DLG2: variants seen among roughly 807,000 people sequenced by gnomAD.
DLG2 encodes the protein disks large homolog 2.
DLG2 carries 45 observed loss-of-function variants against 132.5 expected under a neutral mutation model. The observed-to-expected ratio is 0.34, with a 90% CI of 0.27 to 0.44. The LOEUF (loss-of-function observed/expected upper bound fraction) is 0.44, where lower values mean the gene tolerates loss of function less well. DLG2 is among the 20% of genes least tolerant of loss of function. DLG2 has a pLI of 1.00. For missense variants in DLG2, 1,045 were observed against 1,196.9 expected (o/e 0.87, Z 1.87); for synonymous variants, 424 against 419.6 (o/e 1.01, Z -0.13).
intron 7 of DLG2, among the ~76,000 whole-genome samples, chr11:84,425,864 C>T (rs2098964726): frequency 6.6e-6 from 1 of 152,026 alleles, no homozygotes; most frequent in Non-Finnish European, 1.5e-5. Flanking sequence ...AAAGTGACTC[C>T]ATTCAATTCA....
chr11:85,156,241 A>G (rs1324073946), intron 4 of DLG2, among the ~76,000 whole-genome samples: 3 of 152,172 alleles, frequency 2.0e-5, no homozygotes, highest in East Asian at 3.8e-4. Flanking sequence ...ACATAAATGT[A>G]TATGTATATA....
intron 18 of DLG2, among the ~76,000 whole-genome samples, chr11:83,764,543 G>C (rs1026847947): frequency 6.6e-6 from 1 of 152,160 alleles, no homozygotes; most frequent in Admixed American, 6.5e-5. Flanking sequence ...CTTTCTGCCT[G>C]TCAACACTTG....
intron 7 of DLG2, among the ~76,000 whole-genome samples, chr11:84,313,421 T>TA (rs1363906993): frequency 6.6e-6 from 1 of 151,776 alleles, no homozygotes; most frequent in East Asian, 1.9e-4. Flanking sequence ...GCCTGTTTAC[T>TA]ATAATATTAT....
intron 9 of DLG2, among the ~76,000 whole-genome samples, chr11:84,141,019 G>A (rs1258823344): frequency 6.6e-6 from 1 of 152,012 alleles, no homozygotes; most frequent in Non-Finnish European, 1.5e-5. Context: ...CAAAACTTAT[G>A]TAACATGCTT....
At chr11:84,219,745 C>T (rs547677191) in intron 8 of DLG2, among the ~76,000 whole-genome samples, 2 of 152,320 alleles carry the variant, frequency 1.3e-5, no homozygotes, top group East Asian at 3.9e-4. Flanking sequence ...GCACAGAATA[C>T]TCAGACTTAT....
Position 83,668,730 on chromosome 11 carries a change from T to C in DLG2, c.1826-35405A>G, listed in dbSNP as rs28584061. On this transcript the variant is annotated intron_variant, in intron 18 of 27. Transcript: ENST00000376104. ...ACATATATATGTGTATATAAACACA[T>C]ATATATGTGTATATAAACACACATA... Among the ~76,000 whole-genome samples, 564 of 72,466 alleles carry C rather than the reference T, an allele frequency of 7.8e-3. 5 individuals are homozygous for C. The highest frequency in any genetic ancestry group is 0.032 in the African/African-American group (509 of 15,920). The allele number at this position is 72,466 out of a possible 152,430, so 47.5% of individuals were successfully genotyped here.
intron 7 of DLG2, among the ~76,000 whole-genome samples, chr11:84,330,907 C>T (rs1475107547): frequency 6.6e-6 from 1 of 152,110 alleles, no homozygotes; most frequent in Non-Finnish European, 1.5e-5. Context: ...ATTTAGTGAA[C>T]CTAGAACATA....
intron 7 of DLG2, among the ~76,000 whole-genome samples, chr11:84,380,348 C>A (rs2098744974): frequency 6.6e-6 from 1 of 151,934 alleles, no homozygotes; most frequent in Non-Finnish European, 1.5e-5. Flanking sequence ...CAAAAATTTA[C>A]CCTATACTAG....
At chr11:83,776,864 C>T (rs2153802347) in intron 18 of DLG2, among the ~76,000 whole-genome samples, 1 of 152,342 alleles carries the variant, frequency 6.6e-6, no homozygotes, top group Non-Finnish European at 1.5e-5. Context: ...TCCTCTAGGT[C>T]AGAGCTTTTG....
chr11:83,558,848 CGTGTGTGTGTGTGTGT>C (rs3039336), intron 19 of DLG2, among the ~76,000 whole-genome samples: 1,881 of 142,324 alleles, frequency 0.013, 44 homozygotes, highest in African/African-American at 0.046. Flanking sequence ...TGCTAGATGT[CGTGTGTGTGTGTGTGT>C]GTGTGTGTGT....
chr11:84,136,990 A>T (rs1401299545), intron 9 of DLG2, among the ~76,000 whole-genome samples: 1 of 152,156 alleles, frequency 6.6e-6, no homozygotes, highest in African/African-American at 2.4e-5. Flanking sequence ...GCACAGCAGA[A>T]AAAAAACACT....
intron 3 of DLG2, among the ~76,000 whole-genome samples, chr11:85,512,864 T>C (rs2094105263): frequency 6.6e-6 from 1 of 152,066 alleles, no homozygotes; most frequent in South Asian, 2.1e-4. Flanking sequence ...GAAAATAAAC[T>C]GTTCTAACAA....
At chr11:83,799,176 C>G (rs1468535435) in intron 17 of DLG2, among the ~76,000 whole-genome samples, 1 of 152,200 alleles carries the variant, frequency 6.6e-6, no homozygotes, top group Non-Finnish European at 1.5e-5. Flanking sequence ...CTACAGATAT[C>G]ACATTCAATG....
At chr11:83,653,584 A>G (rs1266300128) in intron 18 of DLG2, among the ~76,000 whole-genome samples, 1 of 152,242 alleles carries the variant, frequency 6.6e-6, no homozygotes, top group Non-Finnish European at 1.5e-5. Context: ...CCAATAAAGT[A>G]TTAATCACTT....
intron 5 of DLG2, among the ~76,000 whole-genome samples, chr11:85,128,366 T>C (rs1297162310): frequency 6.6e-6 from 1 of 152,210 alleles, no homozygotes; most frequent in South Asian, 2.1e-4. Flanking sequence ...AGATTCAAAA[T>C]AGAAAAGGAA....
intron 8 of DLG2, among the ~76,000 whole-genome samples, chr11:84,236,333 G>C (rs1044645632): frequency 6.6e-6 from 1 of 152,226 alleles, no homozygotes; most frequent in African/African-American, 2.4e-5. Flanking sequence ...TTGGTTGTCA[G>C]AGAAAGCTTC....
chr11:84,679,242 C>T (rs1182129582), intron 6 of DLG2, among the ~76,000 whole-genome samples: 2 of 151,926 alleles, frequency 1.3e-5, no homozygotes, highest in East Asian at 1.9e-4. Flanking sequence ...TAGATATCTG[C>T]AGAATATAAT....
intron 4 of DLG2, among the ~76,000 whole-genome samples, chr11:85,211,052 ATTTG>A (rs1360282293): frequency 3.3e-5 from 5 of 152,038 alleles, no homozygotes; most frequent in East Asian, 1.9e-4. Context: ...TTCAATATTA[ATTTG>A]TTTATTTGTA....
intron 6 of DLG2, among the ~76,000 whole-genome samples, chr11:84,906,581 T>C (rs1278006763): frequency 6.6e-6 from 1 of 152,158 alleles, no homozygotes; most frequent in East Asian, 1.9e-4. Context: ...CTACCATTTA[T>C]GACGCCCATA....
Sources: allele counts gnomAD v4.1 joint callset (sites outside exome capture counted in the v4.1 genomes callset), GRCh38; gene constraint gnomAD v4.1.1; transcripts MANE v1.5; gene names NCBI Gene and HGNC (gene_info 2026-07-23, HGNC 2026-07-21).